The following PCDH15 variants were observed in gnomAD, a reference collection of about 807,000 sequenced individuals.
PCDH15 encodes protocadherin-15.
A neutral mutation model predicts 178.5 loss-of-function variants in PCDH15; 129 were observed. The ratio of observed to expected loss-of-function variants is 0.72; its 90% CI spans 0.63 to 0.84. PCDH15 has a LOEUF of 0.84. PCDH15 is among the 40% of genes least tolerant of loss of function. PCDH15 has a pLI of 0.00. For synonymous variants in PCDH15, 800 were observed against 732.0 expected (o/e 1.09, Z -1.50); for missense variants, 2,230 against 2,099.9 (o/e 1.06, Z -1.21).
At chr10:54,892,010 A>AT (rs776818330) in intron 3 of PCDH15, among the ~76,000 whole-genome samples, 207 of 152,188 alleles carry the variant, frequency 1.4e-3, no homozygotes, top group Non-Finnish European at 2.4e-3. Flanking sequence ...ACACATTTTT[A>AT]TTTATATGAT....
chr10:54,660,860 C>T (rs1310782853), intron 2 of PCDH15, among the ~76,000 whole-genome samples: 1 of 151,776 alleles, frequency 6.6e-6, no homozygotes, highest in East Asian at 1.9e-4. Flanking sequence ...AAACAGTAGC[C>T]ATATGATCAT....
intron 2 of PCDH15, among the ~76,000 whole-genome samples, chr10:55,024,334 T>C (rs1056266213): frequency 1.4e-5 from 2 of 147,176 alleles, no homozygotes; most frequent in South Asian, 2.1e-4. Flanking sequence ...TATATTCCCA[T>C]ATATAGGAAG....
chr10:54,940,502 T>C (rs974930791), intron 2 of PCDH15, among the ~76,000 whole-genome samples: 1 of 152,140 alleles, frequency 6.6e-6, no homozygotes, highest in African/African-American at 2.4e-5. Flanking sequence ...TATAGTGCTG[T>C]ATTGGATAGG....
chr10:55,483,262 T>G (rs2132120177), intron 2 of PCDH15, among the ~76,000 whole-genome samples: 1 of 139,760 alleles, frequency 7.2e-6, no homozygotes, highest in Non-Finnish European at 1.5e-5. Flanking sequence ...AATCTATAAG[T>G]AACTTAAATA....
At chr10:55,150,018 C>A (rs1398139929) in intron 2 of PCDH15, among the ~76,000 whole-genome samples, 1 of 131,210 alleles carries the variant, frequency 7.6e-6, no homozygotes, top group Admixed American at 9.2e-5. Flanking sequence ...CGAGAGTGAG[C>A]AGAGAGAGAG....
Position 55,318,471 on chromosome 10 carries a change from G to C in PCDH15, c.-156+1128C>G, listed in dbSNP as rs78876889. Among the ~76,000 whole-genome samples the C allele has an allele frequency of 5.2e-3, 789 of 152,220 alleles. 11 individuals carry two copies. Among genetic ancestry groups the C allele is most frequent in the African/African-American group, 0.018 (743 of 41,538 alleles). On this transcript the variant is annotated intron_variant, in intron 1 of 5. Coordinates refer to the PCDH15 transcript ENST00000458638. Reference sequence around the variant, plus strand: ...AAAAAGAATGCTCAAAATTTGGAAAGAGTGATAAAAATCGAAAGTTCAATG... The same window carrying C: ...AAAAAGAATGCTCAAAATTTGGAAACAGTGATAAAAATCGAAAGTTCAATG...
In PCDH15 at chr10:55,319,331, G is replaced by C. The variant is rs188211751; in HGVS notation, c.-156+268C>G. Among the ~76,000 whole-genome samples the C allele has an allele frequency of 1.6e-3, 244 of 152,270 alleles. 1 individual carries two copies. Among genetic ancestry groups the C allele is most frequent in the African/African-American group, 5.6e-3 (231 of 41,554 alleles). On this transcript the variant is annotated intron_variant, in intron 1 of 5. Transcript: ENST00000458638. Reference sequence around the variant, plus strand: ...TTTAAATGCAAGTATATAAATGTGTGTGTGTCAATTGTTAACATAAATGGA... The same window carrying C: ...TTTAAATGCAAGTATATAAATGTGTCTGTGTCAATTGTTAACATAAATGGA...
chr10:54,578,017 C>T (rs1366382844), intron 2 of PCDH15, among the ~76,000 whole-genome samples: 1 of 152,116 alleles, frequency 6.6e-6, no homozygotes, highest in Non-Finnish European at 1.5e-5. Context: ...AACATTGATT[C>T]ATACATTGCC....
intron 2 of PCDH15, among the ~76,000 whole-genome samples, chr10:54,930,243 G>C (rs916535797): frequency 1.3e-5 from 2 of 152,184 alleles, no homozygotes; most frequent in African/African-American, 2.4e-5. Flanking sequence ...TTCACTCACT[G>C]TGTAAATGTC....
At chr10:55,075,364 A>T (rs1412541847) in intron 2 of PCDH15, among the ~76,000 whole-genome samples, 2 of 109,410 alleles carry the variant, frequency 1.8e-5, no homozygotes, top group Non-Finnish European at 3.6e-5. Flanking sequence ...AATTTTGTTT[A>T]AATTTTTTTT....
intron 1 of PCDH15, among the ~76,000 whole-genome samples, chr10:55,211,759 A>G (rs1840578015): frequency 6.6e-6 from 1 of 152,154 alleles, no homozygotes; most frequent in African/African-American, 2.4e-5. Context: ...AAAGTGAACA[A>G]AGAAAGTTAC....
chr10:54,320,847 G>A (rs4548533), intron 7 of PCDH15, among the ~76,000 whole-genome samples: 16,923 of 151,764 alleles, frequency 0.11, 1,008 homozygotes, highest in Middle Eastern at 0.2. Flanking sequence ...TTAAGATAAT[G>A]TGACCTCATA....
intron 6 of PCDH15, among the ~76,000 whole-genome samples, chr10:54,331,061 T>C (rs930349587): frequency 2.6e-5 from 4 of 151,528 alleles, no homozygotes; most frequent in African/African-American, 9.7e-5. Context: ...AAACTGTGTA[T>C]GTGAGAGAGA....
In PCDH15 at chr10:54,919,870, C is replaced by T. The variant is rs115406714; in HGVS notation, c.-79-22370G>A. ...CCCATTTGAGGATACCACTGAAATG[C>T]TCATAAATTCTATGAGGTTTGGGAA... On this transcript the variant is annotated intron_variant, in intron 2 of 5. Transcript: ENST00000458638. Among the ~76,000 whole-genome samples the T allele has an allele frequency of 8.8e-3, 1,330 of 151,756 alleles. 14 individuals carry two copies. Among genetic ancestry groups the T allele is most frequent in the African/African-American group, 0.03 (1,239 of 41,220 alleles).
At chr10:54,713,135 A>G (rs1039505016) in intron 1 of PCDH15, among the ~76,000 whole-genome samples, 2 of 152,008 alleles carry the variant, frequency 1.3e-5, no homozygotes, top group African/African-American at 4.8e-5. Flanking sequence ...ATTTCTTTAG[A>G]CTTTATTTCA....
In PCDH15 at chr10:53,831,417, C is replaced by T. The variant is rs1320218961; in HGVS notation, c.4100G>A (p.Gly1367Glu). Residue 1367 changes from glycine to glutamate, a missense_variant, in exon 30 of 38, where the codon GGA becomes GAA. Coordinates refer to ENST00000644397, the MANE Select transcript of PCDH15 (RefSeq NM_001384140.1). Reference sequence around the variant, plus strand: ...CCCTTCTGTGTATCCTAGACTTTCTCCTCTCTTTTTAATGCTGGTCACTGC... The same window carrying T: ...CCCTTCTGTGTATCCTAGACTTTCTTCTCTCTTTTTAATGCTGGTCACTGC... ...PEAVTSIKKR[G>E]ESLGYTEGAL... is the part of the protein sequence containing the mutation. 1.2e-6 allele frequency: 2 copies of T among 1,613,976 alleles called. No homozygotes were observed. The highest frequency in any genetic ancestry group is 2.2e-5 in the East Asian group (1 of 44,886).
intron 2 of PCDH15, among the ~76,000 whole-genome samples, chr10:55,048,522 A>G (rs1218358235): frequency 6.6e-6 from 1 of 151,962 alleles, no homozygotes; most frequent in Non-Finnish European, 1.5e-5. Context: ...AAAAAGTTAC[A>G]CAATATCATA....
chr10:55,081,146 C>T (rs1044041817), intron 2 of PCDH15, among the ~76,000 whole-genome samples: 3 of 152,132 alleles, frequency 2.0e-5, no homozygotes, highest in African/African-American at 4.8e-5. Flanking sequence ...CCCCTTCAGG[C>T]TCCCAGCTGA....
chr10:54,690,321 T>C (rs2095097725), intron 1 of PCDH15, among the ~76,000 whole-genome samples: 1 of 150,612 alleles, frequency 6.6e-6, no homozygotes, highest in South Asian at 2.1e-4. Context: ...TTTTTTTTTT[T>C]TTTTTTTGAG....
Sources: allele counts gnomAD v4.1 joint callset (sites outside exome capture counted in the v4.1 genomes callset), GRCh38; gene constraint gnomAD v4.1.1; transcripts MANE v1.5; gene names NCBI Gene and HGNC (gene_info 2026-07-23, HGNC 2026-07-21).